The following DCBLD2 variants were observed in gnomAD, a reference collection of about 807,000 sequenced individuals.
DCBLD2 encodes discoidin, CUB and LCCL domain-containing protein 2.
Under a neutral mutation model 86.8 loss-of-function variants are expected in DCBLD2, and 54 were observed. The ratio of observed to expected loss-of-function variants is 0.62; its 90% CI spans 0.50 to 0.78. DCBLD2 has a LOEUF of 0.78. Among genes scored for constraint, DCBLD2 ranks in the 30% least tolerant of loss-of-function variants. DCBLD2 has a pLI of 0.00. For missense variants in DCBLD2, 908 were observed against 954.2 expected, an observed-to-expected ratio of 0.95 and a Z score of 0.64; for synonymous variants, 354 against 341.3, an observed-to-expected ratio of 1.04 and a Z score of -0.41.
intron 3 of DCBLD2, among the ~76,000 whole-genome samples, chr3:98,836,627 C>G (rs112576495): frequency 9.1e-6 from 1 of 109,664 alleles, no homozygotes; most frequent in Non-Finnish European, 2.0e-5. Context: ...CCAGACGGGG[C>G]GGCTGGCCGG....
chr3:98,892,066 CTAA>C (rs1943671505), intron 1 of DCBLD2, among the ~76,000 whole-genome samples: 1 of 152,100 alleles, frequency 6.6e-6, no homozygotes, highest in Admixed American at 6.6e-5. Flanking sequence ...TAAGCCTAAA[CTAA>C]TGTTATGGTA....
chr3:98,884,339 G>A (rs992421214), intron 1 of DCBLD2, among the ~76,000 whole-genome samples: 23 of 151,604 alleles, frequency 1.5e-4, no homozygotes, highest in Admixed American at 1.5e-3. Flanking sequence ...TAATAAACGT[G>A]GATTTCTGTG....
At chr3:98,835,652 C>T (rs1455508597) in intron 3 of DCBLD2, among the ~76,000 whole-genome samples, 44 of 147,650 alleles carry the variant, frequency 3.0e-4, no homozygotes, top group Non-Finnish European at 4.9e-4. Flanking sequence ...CGGATTCAAG[C>T]GATTCTCTCG....
At chr3:98,865,450 A>C (rs1285279318) in intron 2 of DCBLD2, among the ~76,000 whole-genome samples, 1 of 152,202 alleles carries the variant, frequency 6.6e-6, no homozygotes, top group African/African-American at 2.4e-5. Context: ...GAACGGGTTG[A>C]AGGGGGAGTT....
chr3:98,802,399 GGTT>G (rs1325691920), intron 13 of DCBLD2, among the ~76,000 whole-genome samples: 1 of 151,986 alleles, frequency 6.6e-6, no homozygotes, highest in Non-Finnish European at 1.5e-5. Context: ...TTGTTGATGG[GGTT>G]GTTTTTTTTT....
rs1943729834 is a variant in DCBLD2, at chr3:98,895,118, G to T, written c.205+6004C>A. The T allele has an allele frequency of 2.0e-5, 3 of 152,078 alleles. No homozygotes were observed. In the South Asian group the frequency reaches 6.2e-4, roughly 31 times the overall value. 9.4% of individuals were successfully genotyped at this position (152,078 alleles called of 1,614,324 possible). ...CAAAATGGCATGAAATTATATCTTA[G>T]AAGAATAAAATTAGCTCAGTCTCAT... On this transcript the variant is annotated intron_variant, in intron 1 of 15. Coordinates refer to ENST00000326840, the MANE Select transcript of DCBLD2 (RefSeq NM_080927.4).
At chr3:98,898,348 A>G (rs1444477021) in intron 1 of DCBLD2, among the ~76,000 whole-genome samples, 1 of 151,264 alleles carries the variant, frequency 6.6e-6, no homozygotes, top group Non-Finnish European at 1.5e-5. Context: ...TTTCAAAATG[A>G]TGTCAGAAAG....
intron 3 of DCBLD2, among the ~76,000 whole-genome samples, chr3:98,837,944 T>TG (rs1432306309): frequency 8.0e-5 from 1 of 12,500 alleles, no homozygotes; most frequent in East Asian, 1.9e-3. Context: ...CCCTCCCGGA[T>TG]GGGGTGGCTG....
intron 9 of DCBLD2, 39 bp from the exon 10 acceptor site, chr3:98,812,521 T>G: frequency 6.3e-7 from 1 of 1,576,724 alleles, no homozygotes; most frequent in Non-Finnish European, 8.6e-7. Context: ...TTCAAATCAA[T>G]AGAGGTCAGG....
intron 2 of DCBLD2, among the ~76,000 whole-genome samples, chr3:98,873,320 G>C (rs1183885117): frequency 6.6e-6 from 1 of 151,986 alleles, no homozygotes; most frequent in Non-Finnish European, 1.5e-5. Context: ...GCAAAATAAA[G>C]ACAGATTTTT....
intron 3 of DCBLD2, among the ~76,000 whole-genome samples, chr3:98,840,083 G>A (rs568620659): frequency 1.3e-5 from 2 of 152,288 alleles, no homozygotes; most frequent in African/African-American, 4.8e-5. Flanking sequence ...TTGGAGATAA[G>A]GATAGTTGGT....
chr3:98,847,220 CAT>C (rs543503869), intron 3 of DCBLD2, among the ~76,000 whole-genome samples: 157 of 62,806 alleles, frequency 2.5e-3, no homozygotes, highest in Admixed American at 7.6e-3. Context: ...AAACAGTACA[CAT>C]GTTTTTATTA....
chr3:98,845,422 A>G (rs1275171573), intron 3 of DCBLD2, among the ~76,000 whole-genome samples: 1 of 152,158 alleles, frequency 6.6e-6, no homozygotes, highest in African/African-American at 2.4e-5. Context: ...AATGTTCCCT[A>G]TAGAAGATAT....
At chr3:98,865,202 G>T (rs1211220724) in intron 2 of DCBLD2, among the ~76,000 whole-genome samples, 1 of 151,930 alleles carries the variant, frequency 6.6e-6, no homozygotes, top group African/African-American at 2.4e-5. Flanking sequence ...CCAAGATATG[G>T]AATCAATCTA....
intron 2 of DCBLD2, among the ~76,000 whole-genome samples, chr3:98,870,773 GAAAGAAAGAA>G (rs1943260818): frequency 6.7e-6 from 1 of 148,738 alleles, no homozygotes; most frequent in African/African-American, 2.5e-5. Context: ...AAGAAAGAAA[GAAAGAAAGAA>G]AGAAAGAAAG....
At chr3:98,862,208 C>A (rs1283936875) in intron 2 of DCBLD2, among the ~76,000 whole-genome samples, 1 of 152,088 alleles carries the variant, frequency 6.6e-6, no homozygotes, top group East Asian at 1.9e-4. Context: ...CAATAACAGG[C>A]TCTGAAATTG....
chr3:98,838,621 C>T (rs1227809226), intron 3 of DCBLD2, among the ~76,000 whole-genome samples: 1 of 151,926 alleles, frequency 6.6e-6, no homozygotes, highest in African/African-American at 2.4e-5. Context: ...CAGGCAGAGA[C>T]ACTCTTCACT....
intron 2 of DCBLD2, among the ~76,000 whole-genome samples, chr3:98,864,969 A>G (rs1214355042): frequency 1.3e-5 from 2 of 152,210 alleles, no homozygotes; most frequent in Non-Finnish European, 2.9e-5. Context: ...AAAAGTGTTG[A>G]CAAGAATGTG....
intron 2 of DCBLD2, among the ~76,000 whole-genome samples, chr3:98,853,845 G>C (rs1038109228): frequency 2.6e-5 from 4 of 152,204 alleles, no homozygotes; most frequent in African/African-American, 9.7e-5. Context: ...TTAGGAATCT[G>C]CAACTTAGAA....
Sources: allele counts gnomAD v4.1 joint callset (sites outside exome capture counted in the v4.1 genomes callset), GRCh38; gene constraint gnomAD v4.1.1; transcripts MANE v1.5; gene names NCBI Gene and HGNC (gene_info 2026-07-23, HGNC 2026-07-21).